Variants in MAP2K1 observed in about 807,000 individuals in gnomAD.
MAP2K1 encodes dual specificity mitogen-activated protein kinase kinase 1.
MAP2K1 carries 16 observed loss-of-function variants against 46.3 expected under a neutral mutation model. The ratio of observed to expected loss-of-function variants is 0.35; its 90% CI spans 0.23 to 0.52. The LOEUF (loss-of-function observed/expected upper bound fraction) is 0.52. MAP2K1 is among the 20% of genes least tolerant of loss of function. MAP2K1 has a pLI of 0.94. For synonymous variants in MAP2K1, 183 were observed against 185.6 expected (o/e 0.99, Z 0.11); for missense variants, 263 against 497.1 (o/e 0.53, Z 4.48).
chr15:66,386,968 T>G lies in MAP2K1; in HGVS notation c.-380T>G, dbSNP rs1022831120. On this transcript the variant is annotated 5_prime_UTR_variant, in exon 1 of 11. Transcript: ENST00000307102. ...TAGGAGCACGGCGGCGGCGGCACTT[T>G]CCCCGGCAGGAGCTGGAGCTGGGCT... 1 of 265,036 alleles carries G rather than the reference T, an allele frequency of 3.8e-6. No homozygotes were observed. Among genetic ancestry groups the G allele is most frequent in the Non-Finnish European group, 7.1e-6 (1 of 140,986 alleles). 16.4% of individuals were successfully genotyped at this position (265,036 alleles called of 1,614,324 possible). A position where few individuals can be genotyped will look rare whatever the true frequency, so the allele number is the denominator to read the frequency against.
rs7494832 is a variant in MAP2K1, at chr15:66,435,210, G to A, written c.264G>A (p.Lys88=). The A allele has an allele frequency of 1.4e-5, 23 of 1,614,030 alleles. No homozygotes were observed. The highest frequency in any genetic ancestry group is 1.9e-5 in the Non-Finnish European group (23 of 1,180,020). The change falls in exon 2 of 11, where the codon AAG becomes AAA. Residue 88 remains lysine (K), a synonymous_variant. Coordinates refer to ENST00000307102, the MANE Select transcript of MAP2K1 (RefSeq NM_002755.4). ...NGGVVFKVSH[K]PSGLVMARKL... The stretch of plus-strand genomic sequence containing the variant: ...GTGTGGTGTTCAAGGTCTCCCACAA[G>A]CCTTCTGGCCTGGTCATGGCCAGAA...
At chr15:66,404,559 A>T (rs1389994093) in intron 1 of MAP2K1, among the ~76,000 whole-genome samples, 1 of 152,204 alleles carries the variant, frequency 6.6e-6, no homozygotes, top group Non-Finnish European at 1.5e-5. Context: ...GTTCTAAATC[A>T]CTGAATAATT....
chr15:66,420,843 G>GTATA (rs1567003208), intron 1 of MAP2K1, among the ~76,000 whole-genome samples: 6 of 121,610 alleles, frequency 4.9e-5, no homozygotes, highest in African/African-American at 1.8e-4. Flanking sequence ...ATATATATGT[G>GTATA]TGTATATATA....
At chr15:66,487,931 A>C (rs1295005900) in intron 8 of MAP2K1, among the ~76,000 whole-genome samples, 1 of 152,078 alleles carries the variant, frequency 6.6e-6, no homozygotes, top group East Asian at 1.9e-4. Context: ...TTTCACATTA[A>C]TTTCCCATGC....
At chr15:66,406,948 A>G (rs560923630) in intron 1 of MAP2K1, among the ~76,000 whole-genome samples, 2 of 152,242 alleles carry the variant, frequency 1.3e-5, no homozygotes, top group East Asian at 3.9e-4. Flanking sequence ...AGGAGAATCA[A>G]TTGTGCCATT....
rs1260059749 is a variant in MAP2K1, at chr15:66,420,779, GTATA to G, written c.81-14242_81-14239del. 1.2e-3 allele frequency among the ~76,000 whole-genome samples: 65 copies of G among 54,852 alleles called. 4 individuals carry two copies. The East Asian group carries it at 0.027, about 23-fold the overall frequency. The allele number at this position is 54,852 out of a possible 152,430, so 36.0% of individuals were successfully genotyped here. On this transcript the variant is annotated intron_variant, in intron 1 of 10. Coordinates refer to ENST00000307102, the MANE Select transcript of MAP2K1 (RefSeq NM_002755.4). Reference sequence around the variant, plus strand: ...TGTGTGTATGTGTGTATATATATGTGTATATATATGTGTGTATATATATGTGTAT... The same window carrying G: ...TGTGTGTATGTGTGTATATATATGTGTATATGTGTGTATATATATGTGTAT...
chr15:66,394,459 C>CTTT (rs34599278), intron 1 of MAP2K1, among the ~76,000 whole-genome samples: 89 of 125,466 alleles, frequency 7.1e-4, no homozygotes, highest in Non-Finnish European at 1.0e-3. Flanking sequence ...TAACCAGGAA[C>CTTT]TTTTTTTTTT....
chr15:66,410,655 T>C (rs1320233522), intron 1 of MAP2K1, among the ~76,000 whole-genome samples: 2 of 152,156 alleles, frequency 1.3e-5, no homozygotes, highest in Non-Finnish European at 1.5e-5. Context: ...AGTTCCAGTA[T>C]TCTACATTCT....
At chr15:66,457,918 G>C (rs371811080) in intron 5 of MAP2K1, among the ~76,000 whole-genome samples, 9 of 151,144 alleles carry the variant, frequency 6.0e-5, no homozygotes, top group Admixed American at 2.6e-4. Context: ...AGCCGAGATC[G>C]TGTCACTGCA....
rs149396116 is a variant in MAP2K1 at position 66,462,884 on chromosome 15, C to T, written c.568+18177C>T. ...GTGAGGACCAGATGTAGTCAGTGCT[C>T]GGGAAGGGATGGGACAAGACAGGGA... is the stretch of plus-strand genomic sequence containing the variant. On this transcript the variant is annotated intron_variant, in intron 5 of 10. Coordinates refer to ENST00000307102, the MANE Select transcript of MAP2K1 (RefSeq NM_002755.4). Among the ~76,000 whole-genome samples, 126 of 152,242 alleles carry T rather than the reference C, an allele frequency of 8.3e-4. 2 individuals carry two copies. The East Asian group carries it at 0.021, about 25-fold the overall frequency.
At chr15:66,466,077 A>C (rs1892457869) in intron 5 of MAP2K1, among the ~76,000 whole-genome samples, 1 of 152,212 alleles carries the variant, frequency 6.6e-6, no homozygotes. Flanking sequence ...ACCACAGGCC[A>C]AGATCCCTGT....
chr15:66,409,981 C>A (rs11853649), intron 1 of MAP2K1, among the ~76,000 whole-genome samples: 8,560 of 152,260 alleles, frequency 0.056, 347 homozygotes, highest in Middle Eastern at 0.11. Flanking sequence ...ACCACTTGTC[C>A]TTAAAATGAC....
chr15:66,429,951 A>G (rs941090413), intron 1 of MAP2K1, among the ~76,000 whole-genome samples: 1 of 151,946 alleles, frequency 6.6e-6, no homozygotes, highest in Non-Finnish European at 1.5e-5. Flanking sequence ...GTACCTCCTC[A>G]GATTACTGTC....
chr15:66,465,771 A>G (rs1440964710), intron 5 of MAP2K1, among the ~76,000 whole-genome samples: 2 of 152,230 alleles, frequency 1.3e-5, no homozygotes, highest in Non-Finnish European at 2.9e-5. Context: ...TGTTTTTACT[A>G]AAGACAAATC....
intron 9 of MAP2K1, 165 bp from the exon 10 acceptor site, chr15:66,489,553 G>GT: frequency 2.7e-6 from 2 of 736,162 alleles, no homozygotes. Flanking sequence ...CAGCAAGAAT[G>GT]TATTAACTTA....
chr15:66,445,560 G>A (rs1891848087), intron 5 of MAP2K1, among the ~76,000 whole-genome samples: 1 of 152,200 alleles, frequency 6.6e-6, no homozygotes, highest in Non-Finnish European at 1.5e-5. Flanking sequence ...TGTATTTCTT[G>A]TAGAAACAAC....
chr15:66,402,764 G>A (rs921346607), intron 1 of MAP2K1, among the ~76,000 whole-genome samples: 2 of 151,960 alleles, frequency 1.3e-5, no homozygotes, highest in East Asian at 3.8e-4. Flanking sequence ...ATCTAGTAAC[G>A]TTTTTTGATT....
chr15:66,435,462 AT>A, intron 2 of MAP2K1, among the ~76,000 whole-genome samples: 1 of 150,602 alleles, frequency 6.6e-6, no homozygotes, highest in South Asian at 2.1e-4. Context: ...AGTAGCTGGG[AT>A]TACAGGCATG....
chr15:66,490,317 C>T, intron 10 of MAP2K1, 185 bp from the exon 11 acceptor site: 1 of 701,880 alleles, frequency 1.4e-6, no homozygotes. Flanking sequence ...CTCACAGCTG[C>T]TGTGACTGGT....
Sources: gnomAD v4.1 joint callset for allele counts (sites outside exome capture counted in the v4.1 genomes callset) on GRCh38, gnomAD v4.1.1 for gene constraint, MANE v1.5 for transcripts, NCBI Gene and HGNC (gene_info 2026-07-23, HGNC 2026-07-21) for gene names.